The following SHANK2 variants were observed in gnomAD, a reference collection of about 807,000 sequenced individuals.
The protein encoded by SHANK2 is SH3 and multiple ankyrin repeat domains 2.
SHANK2 carries 43 observed loss-of-function variants against 133.7 expected under a neutral mutation model. The ratio of observed to expected loss-of-function variants is 0.32; its 90% CI spans 0.25 to 0.41. The LOEUF (loss-of-function observed/expected upper bound fraction) is 0.41, where lower values mean the gene tolerates loss of function less well. Ranked by LOEUF, SHANK2 falls within the 10% of genes least tolerant of loss-of-function variation. The probability of loss-of-function intolerance (pLI) is 1.00; values close to 1 mark genes in which losing one functional copy is unlikely to be tolerated. For missense variants in SHANK2, 1,994 were observed against 2,235.8 expected (o/e 0.89, Z 2.18); for synonymous variants, 1,017 against 952.8 (o/e 1.07, Z -1.24).
At position 70,847,603 on chromosome 11, in the gene SHANK2, T is replaced by A. The variant is rs529241438; in HGVS notation, c.1175-26921A>T. On this transcript the variant is annotated intron_variant, in intron 11 of 25. Transcript: ENST00000601538. ...AGCACTGAAAACCTGCCCGAGCATC[T>A]CTCTGCGCTCAGCAGCGACGCCATC... Among the ~76,000 whole-genome samples, 3 of 152,260 alleles carry A rather than the reference T, an allele frequency of 2.0e-5. No homozygotes were observed. In the East Asian group the frequency reaches 5.8e-4, roughly 29 times the overall value.
intron 17 of SHANK2, among the ~76,000 whole-genome samples, chr11:70,509,890 T>TG (rs782200789): frequency 2.6e-5 from 4 of 152,232 alleles, no homozygotes; most frequent in Non-Finnish European, 5.9e-5. Flanking sequence ...TCTCCCGAGC[T>TG]GGGAGAAATA....
At chr11:70,917,117 CT>C in intron 10 of SHANK2, among the ~76,000 whole-genome samples, 1 of 152,262 alleles carries the variant, frequency 6.6e-6, no homozygotes, top group Middle Eastern at 3.4e-3. Context: ...CCGATGTCAG[CT>C]GAACATCCCA....
Position 70,486,935 on chromosome 11 carries a change from TG to T in SHANK2, c.3357del (p.Arg1120GlyfsTer54). ...DEDVGLGPPA[P>X]RTRPSMFPEE... Reference sequence around the variant, plus strand: ...TCGGGGAACATGGAGGGCCGCGTCCTGGGGGCGGGTGGCCCCAGGCCCACAT... The same window carrying T: ...TCGGGGAACATGGAGGGCCGCGTCCTGGGGCGGGTGGCCCCAGGCCCACAT... On this transcript the variant is annotated frameshift_variant, in exon 25 of 26. Coordinates refer to ENST00000601538, the MANE Select transcript of SHANK2 (RefSeq NM_012309.5). LOFTEE classifies it high-confidence loss of function. This position sits in a 1 kb window ranked among gnomAD's most constrained non-coding sequence, Gnocchi z 8.0. The T allele has an allele frequency of 6.2e-7, 1 of 1,612,334 alleles. No individual in the cohort carries two copies.
At chr11:71,135,946 G>A (rs1555104702) in intron 3 of SHANK2, among the ~76,000 whole-genome samples, 1 of 152,158 alleles carries the variant, frequency 6.6e-6, no homozygotes, top group African/African-American at 2.4e-5. Context: ...GATGAAGGCT[G>A]AGGGAACAAC....
chr11:70,471,694 G>A lies in SHANK2; in HGVS notation c.*1175C>T. 1 of 308,016 alleles carries A rather than the reference G, an allele frequency of 3.2e-6. No individual in the cohort carries two copies. Among genetic ancestry groups the A allele is most frequent in the Non-Finnish European group, 5.9e-6 (1 of 169,524 alleles). 19.1% of individuals were successfully genotyped at this position (308,016 alleles called of 1,614,324 possible). On this transcript the variant is annotated 3_prime_UTR_variant, in exon 26 of 26. Transcript: ENST00000601538. This position sits in a 1 kb window ranked among gnomAD's most constrained non-coding sequence, Gnocchi z 4.1. The stretch of plus-strand genomic sequence containing the variant: ...CTGGTGGGATTCCTAGACACCCAGA[G>A]CGATAGGGGAAAAGCCTCTAAGTAC...
chr11:71,063,555 G>T (rs1951012906), intron 9 of SHANK2, among the ~76,000 whole-genome samples: 2 of 152,178 alleles, frequency 1.3e-5, no homozygotes, highest in African/African-American at 2.4e-5. Context: ...TTACAGAGAA[G>T]GTTAATGTGA....
At chr11:70,678,959 C>A (rs527299237) in intron 15 of SHANK2, among the ~76,000 whole-genome samples, 1 of 152,274 alleles carries the variant, frequency 6.6e-6, no homozygotes, top group African/African-American at 2.4e-5. Context: ...AGGTTACCTC[C>A]AAGCTCCAAC....
At chr11:70,564,119 C>T (rs2059939968) in intron 17 of SHANK2, among the ~76,000 whole-genome samples, 1 of 151,970 alleles carries the variant, frequency 6.6e-6, no homozygotes, top group Non-Finnish European at 1.5e-5. Flanking sequence ...ATCCTATGTG[C>T]CTGGGTGTGT....
chr11:70,719,041 G>T lies in SHANK2; in HGVS notation c.1778-20278C>A, dbSNP rs116732834. ...AGGGTGCCTGGCATACAGTAGGCAC[G>T]CAAGGAAGATCAGCTTTGTTCCTGT... is the stretch of plus-strand genomic sequence containing the variant. On this transcript the variant is annotated intron_variant, in intron 14 of 25. Transcript: ENST00000601538. Among the ~76,000 whole-genome samples, 611 of 152,316 alleles carry T rather than the reference G, an allele frequency of 4.0e-3. 7 individuals carry two copies. The highest frequency in any genetic ancestry group is 0.014 in the African/African-American group (582 of 41,566).
At chr11:70,643,196 C>A (rs1555006986) in intron 17 of SHANK2, among the ~76,000 whole-genome samples, 3 of 152,196 alleles carry the variant, frequency 2.0e-5, no homozygotes, top group Non-Finnish European at 1.5e-5. Context: ...CTTTCCAGAA[C>A]TTTTGCATAA....
intron 17 of SHANK2, among the ~76,000 whole-genome samples, chr11:70,506,102 G>A (rs544819645): frequency 2.1e-3 from 324 of 152,330 alleles, no homozygotes; most frequent in African/African-American, 7.1e-3. Flanking sequence ...AAGGCCTCTC[G>A]GGGAATGAGC....
At chr11:70,874,335 T>C (rs636618) in intron 11 of SHANK2, among the ~76,000 whole-genome samples, 152,107 of 152,208 alleles carry the variant, frequency 1, 76,006 homozygotes, top group Middle Eastern at 1. Context: ...TATCTATCCA[T>C]GATTTATCTA....
At chr11:70,514,187 A>T (rs1554969646) in intron 17 of SHANK2, among the ~76,000 whole-genome samples, 2 of 152,260 alleles carry the variant, frequency 1.3e-5, no homozygotes, top group African/African-American at 4.8e-5. Flanking sequence ...CAGACTTTGC[A>T]TCAGAAACCA....
rs1555153399 is a variant in SHANK2 at position 70,486,213 on chromosome 11, C to G, written c.4080G>C (p.Gln1360His). ...TGGTGGGCTCGGGGGCAGCGGAGAT[C>G]TGTAAAGCACCTTCGGTTTCGGAAA... Reference protein sequence around the residue: ...EGVSETEGALQISAAPEPTTV... With the variant: ...EGVSETEGALHISAAPEPTTV... Residue 1360 changes from glutamine to histidine, a missense_variant, in exon 25 of 26, where the codon CAG becomes CAC. Transcript: ENST00000601538. The surrounding 1 kb of genome is among the most constrained non-coding windows in gnomAD (Gnocchi z 8.0). 3 of 1,613,824 alleles carry G rather than the reference C, an allele frequency of 1.9e-6. No homozygotes were observed. The highest frequency in any genetic ancestry group is 1.3e-5 in the African/African-American group (1 of 74,908).
intron 11 of SHANK2, among the ~76,000 whole-genome samples, chr11:70,825,989 C>T (rs1019677863): frequency 4.6e-5 from 7 of 152,168 alleles, no homozygotes; most frequent in Non-Finnish European, 1.0e-4. Context: ...AAGTTGGCCA[C>T]GCTCCCTTCC....
intron 6 of SHANK2, among the ~76,000 whole-genome samples, chr11:71,104,361 GC>G (rs200786755): frequency 3.3e-5 from 5 of 151,686 alleles, no homozygotes; most frequent in South Asian, 2.1e-4. Context: ...CCAACACAGG[GC>G]CCCCCCCATC....
intron 3 of SHANK2, among the ~76,000 whole-genome samples, chr11:71,136,091 C>T (rs1455889611): frequency 1.3e-5 from 2 of 151,960 alleles, no homozygotes; most frequent in African/African-American, 2.4e-5. Flanking sequence ...GTCCCCACGG[C>T]GAAAAAGTGG....
chr11:70,816,468 T>C (rs929230362), intron 12 of SHANK2, among the ~76,000 whole-genome samples: 4 of 152,180 alleles, frequency 2.6e-5, no homozygotes, highest in African/African-American at 9.7e-5. Flanking sequence ...CACTTATGCT[T>C]CTGATGGTAA....
At chr11:70,773,602 C>A (rs1947301030) in intron 14 of SHANK2, among the ~76,000 whole-genome samples, 1 of 152,108 alleles carries the variant, frequency 6.6e-6, no homozygotes, top group Non-Finnish European at 1.5e-5. Context: ...TTCCTTATAC[C>A]TTTCTTTATT....
Sources: allele counts gnomAD v4.1 joint callset (sites outside exome capture counted in the v4.1 genomes callset), GRCh38; gene constraint gnomAD v4.1.1; non-coding constraint Gnocchi (gnomAD v3.1); transcripts MANE v1.5; gene names NCBI Gene and HGNC (gene_info 2026-07-23, HGNC 2026-07-21).